The following SCN4A variants were observed in gnomAD, a reference collection of about 807,000 sequenced individuals.
SCN4A encodes sodium channel protein type 4 subunit alpha.
A neutral mutation model predicts 162.0 loss-of-function variants in SCN4A; 83 were observed. The observed-to-expected ratio is 0.51, with a 90% CI of 0.43 to 0.61. The LOEUF is 0.61. Among genes scored for constraint, SCN4A ranks in the 20% least tolerant of loss-of-function variants. The pLI is 0.00. For missense variants in SCN4A, 2,196 were observed against 2,462.5 expected (o/e 0.89, Z 2.29); for synonymous variants, 944 against 985.1 (o/e 0.96, Z 0.78).
chr17:63,965,498 C>T (rs1909409651), intron 8 of SCN4A, among the ~76,000 whole-genome samples: 1 of 150,274 alleles, frequency 6.7e-6, no homozygotes, highest in Admixed American at 6.6e-5. Flanking sequence ...TTCTGTCTTT[C>T]TTTTTTTTCA....
chr17:63,966,251 T>A lies in SCN4A; in HGVS notation c.1101-8A>T. The A allele has an allele frequency of 1.2e-6, 2 of 1,602,078 alleles. No individual in the cohort carries two copies. Among genetic ancestry groups the A allele is most frequent in the South Asian group, 2.3e-5 (2 of 88,636 alleles). The stretch of plus-strand genomic sequence containing the variant: ...TAACCCTCAGGGCAGTGCCTAGGAA[T>A]AGGACAGGGGGCTGGGTTTAGGGTG... On this transcript the variant is annotated splice_region_variant and splice_polypyrimidine_tract_variant and intron_variant, in intron 7 of 23. Coordinates refer to ENST00000435607, the MANE Select transcript of SCN4A (RefSeq NM_000334.4).
rs1598406890 is a variant in SCN4A at position 63,945,819 on chromosome 17, A to G, written c.3442-181T>C. ...GTTGGGGGTGGTAAGGGGGAGGGGG[A>G]GGGAGCTGCAGGCCTGGTGGTCAAG... On this transcript the variant is annotated intron_variant, in intron 18 of 23. Transcript: ENST00000435607. This position sits in a 1 kb window ranked among gnomAD's most constrained non-coding sequence, Gnocchi z 4.4. 6.8e-6 allele frequency among the ~76,000 whole-genome samples: 1 copy of G among 146,938 alleles called. No individual in the cohort carries two copies. The highest frequency in any genetic ancestry group is 2.5e-5 in the African/African-American group (1 of 39,530).
chr17:63,946,473 C>CCG (rs1491246498), intron 18 of SCN4A, among the ~76,000 whole-genome samples: 1 of 122,490 alleles, frequency 8.2e-6, no homozygotes, highest in Non-Finnish European at 1.6e-5. Context: ...CCCCCCCCCC[C>CCG]ACCCCGCCGC....
rs779492379 is a variant in SCN4A at position 63,949,559 on chromosome 17, G to C, written c.2854-31C>G. 38 of 1,568,160 alleles carry C rather than the reference G, an allele frequency of 2.4e-5. 1 individual carries two copies. In the South Asian group the frequency reaches 4.1e-4, roughly 17 times the overall value. ...GAGGCCACAGGGTCACATGACATCTGGGTCCCTGAGAGACCCCCTCATCCT... is the reference window on the plus strand; with the variant it reads ...GAGGCCACAGGGTCACATGACATCTCGGTCCCTGAGAGACCCCCTCATCCT... On this transcript the variant is annotated intron_variant, in intron 14 of 23. Coordinates refer to ENST00000435607, the MANE Select transcript of SCN4A (RefSeq NM_000334.4).
chr17:63,963,603 A>G (rs1192817913), intron 10 of SCN4A, 69 bp downstream of exon 10: 9 of 1,437,644 alleles, frequency 6.3e-6, no homozygotes, highest in Non-Finnish European at 8.2e-6. Context: ...TGGCATCCCT[A>G]TCCTCCTGAA....
chr17:63,940,570 C>T lies in SCN4A; in HGVS notation c.*201G>A, dbSNP rs1908485025. The T allele has an allele frequency of 3.6e-6, 2 of 560,104 alleles. No individual in the cohort carries two copies. Among genetic ancestry groups the T allele is most frequent in the East Asian group, 3.0e-5 (1 of 33,324 alleles). 34.7% of individuals were successfully genotyped at this position (560,104 alleles called of 1,614,324 possible). On this transcript the variant is annotated 3_prime_UTR_variant, in exon 24 of 24. Coordinates refer to ENST00000435607, the MANE Select transcript of SCN4A (RefSeq NM_000334.4). ...TCAGACCCAGCATGGAGCCCCTGAG[C>T]GCAATTCCCATTTCCCATGGTCTGG...
In SCN4A at chr17:63,951,169, C is replaced by T. The variant is rs904060662; in HGVS notation, c.2853+255G>A. ...TGAGAGGGGCCCAGGTGTTCTGGTC[C>T]GAGGGAATCAGGGTTTCTGGACAGA... On this transcript the variant is annotated intron_variant, in intron 14 of 23. Coordinates refer to ENST00000435607, the MANE Select transcript of SCN4A (RefSeq NM_000334.4). This position sits in a 1 kb window ranked among gnomAD's most constrained non-coding sequence, Gnocchi z 4.5. Among the ~76,000 whole-genome samples, 11 of 152,112 alleles carry T rather than the reference C, an allele frequency of 7.2e-5. No homozygotes were observed. The highest frequency in any genetic ancestry group is 2.2e-4 in the African/African-American group (9 of 41,418).
In SCN4A at chr17:63,968,320, C is replaced by A. The variant is rs755321637; in HGVS notation, c.739G>T (p.Val247Leu). 1.2e-6 allele frequency: 2 copies of A among 1,608,316 alleles called. No individual in the cohort carries two copies. The highest frequency in any genetic ancestry group is 1.7e-6 in the Non-Finnish European group (2 of 1,175,510). ...ATCATCACATCCGACAGCTTTTTCA[C>A]CGACTGGATCAGGGCCCCCACGATC... The part of the protein sequence containing the change: ...KTIVGALIQS[V>L]KKLSDVMILT... Residue 247 changes from valine (V) to leucine (L), a missense_variant, in exon 6 of 24, where the codon GTG becomes TTG. By Grantham distance (32) the Val-to-Leu change is conservative. Transcript: ENST00000435607.
At position 63,948,058 on chromosome 17, in the gene SCN4A, G is replaced by A. The variant is rs536963836; in HGVS notation, c.3150C>T (p.Phe1050=). Residue 1050 remains phenylalanine, a synonymous_variant, in exon 17 of 24, where the codon TTC becomes TTT. Transcript: ENST00000435607. The part of the protein sequence containing the change: ...MILLSSGALA[F]EDIYIEQRRV... ...GCCGCTGCTCAATGTAGATGTCCTC[G>A]AAGGCCTGGGGGCACCAGCACCACC... The A allele has an allele frequency of 8.1e-6, 13 of 1,598,708 alleles. No homozygotes were observed. The highest frequency in any genetic ancestry group is 6.7e-5 in the Admixed American group (4 of 59,470).
Position 63,945,377 on chromosome 17 carries a change from G to A in SCN4A, c.3703C>T (p.Leu1235Phe), listed in dbSNP as rs1218047325. 2 of 1,611,628 alleles carry A rather than the reference G, an allele frequency of 1.2e-6. No homozygotes were observed. Among genetic ancestry groups the A allele is most frequent in the Non-Finnish European group, 1.7e-6 (2 of 1,177,870 alleles). The change falls in exon 19 of 24, where the codon CTC becomes TTC. Residue 1235 changes from leucine to phenylalanine, a missense_variant. Transcript: ENST00000435607. The surrounding 1 kb of genome is among the most constrained non-coding windows in gnomAD (Gnocchi z 4.4). ...ACACTCACCACCTGCAGGAGGGAGAGGTAGCCCAGACCCACGTTGTCGTAG... is the reference window on the plus strand; with the variant it reads ...ACACTCACCACCTGCAGGAGGGAGAAGTAGCCCAGACCCACGTTGTCGTAG... ...VNYDNVGLGY[L>F]SLLQVATFKG...
In SCN4A at chr17:63,940,332, G is replaced by A. The variant is rs1021416221; in HGVS notation, c.*439C>T. The A allele has an allele frequency of 1.2e-5, 2 of 167,234 alleles. No homozygotes were observed. The highest frequency in any genetic ancestry group is 2.5e-5 in the Non-Finnish European group (2 of 78,954). The allele number at this position is 167,234 out of a possible 1,614,324, so 10.4% of individuals were successfully genotyped here. A position where few individuals can be genotyped will look rare whatever the true frequency, so the allele number is the denominator to read the frequency against. ...GTTAAGACATCTTTGTCTGGGCTGG[G>A]GCTGAGGGGTCTGAGCCACTTCCTG... On this transcript the variant is annotated 3_prime_UTR_variant, in exon 24 of 24. Transcript: ENST00000435607.
intron 13 of SCN4A, 67 bp downstream of exon 13, chr17:63,957,095 C>T: frequency 9.0e-7 from 1 of 1,114,084 alleles, no homozygotes; most frequent in East Asian, 2.4e-5. Flanking sequence ...AGAAAACAGT[C>T]AAATATCAGG....
At chr17:63,964,877 C>T (rs1909389954) in intron 8 of SCN4A, among the ~76,000 whole-genome samples, 200 bp from the exon 9 acceptor site, 1 of 152,182 alleles carries the variant, frequency 6.6e-6, no homozygotes, top group Admixed American at 6.5e-5. Context: ...TCAAACGTTT[C>T]TGGTCTCCTG....
At chr17:63,943,684 C>A in intron 22 of SCN4A, 62 bp downstream of exon 22, 1 of 1,076,612 alleles carries the variant, frequency 9.3e-7, no homozygotes, top group Non-Finnish European at 1.4e-6. Context: ...CTTTTACCCC[C>A]ATCAGTCCCC....
At position 63,968,171 on chromosome 17, in the gene SCN4A, G is replaced by A. The variant is rs1290597719; in HGVS notation, c.888C>T (p.Ser296=). 1 of 1,613,974 alleles carries A rather than the reference G, an allele frequency of 6.2e-7. No homozygotes were observed. The highest frequency in any genetic ancestry group is 8.5e-7 in the Non-Finnish European group (1 of 1,179,890). ...TGTCATTGCCGTACCACGTGTCATTGCTGTACCACGTGGTGTTGGTGTCGT... is the reference window on the plus strand; with the variant it reads ...TGTCATTGCCGTACCACGTGTCATTACTGTACCACGTGGTGTTGGTGTCGT... ...PFNDTNTTWY[S]NDTWYGNDTW... Residue 296 remains serine, a synonymous_variant, in exon 6 of 24, where the codon AGC becomes AGT. Coordinates refer to ENST00000435607, the MANE Select transcript of SCN4A (RefSeq NM_000334.4).
At chr17:63,954,489 A>G (rs1597975613) in intron 13 of SCN4A, among the ~76,000 whole-genome samples, 2 of 152,052 alleles carry the variant, frequency 1.3e-5, no homozygotes, top group Non-Finnish European at 2.9e-5. Flanking sequence ...TGCCCCAGGC[A>G]TGGGGGAAGG....
rs760146369 is a variant in SCN4A at position 63,972,487 on chromosome 17, G to A, written c.274-17C>T. ...GATGAAGGTCTAAGGTGGGAGAGAG[G>A]CTGTGAGACCCAGGGACAGACAGAC... On this transcript the variant is annotated splice_polypyrimidine_tract_variant and intron_variant, in intron 1 of 23. Transcript: ENST00000435607. This position sits in a 1 kb window ranked among gnomAD's most constrained non-coding sequence, Gnocchi z 4.3. 6.5e-5 allele frequency: 105 copies of A among 1,611,834 alleles called. 1 individual carries two copies. The highest frequency in any genetic ancestry group is 8.6e-5 in the Non-Finnish European group (101 of 1,178,758).
At position 63,944,434 on chromosome 17, in the gene SCN4A, A is replaced by T. The variant is rs552526973; in HGVS notation, c.3912+239T>A. ...CTCCCAAAGTGCTGGGATTACAAGC[A>T]TGAGCCACCGTGCCTGGCCCAGCAG... On this transcript the variant is annotated intron_variant, in intron 21 of 23. Coordinates refer to ENST00000435607, the MANE Select transcript of SCN4A (RefSeq NM_000334.4). The surrounding 1 kb of genome is among the most constrained non-coding windows in gnomAD (Gnocchi z 4.3). 3.9e-5 allele frequency among the ~76,000 whole-genome samples: 6 copies of T among 152,260 alleles called. 1 individual carries two copies. The highest frequency in any genetic ancestry group is 1.4e-4 in the African/African-American group (6 of 41,558).
chr17:63,956,432 G>C (rs1005047240), intron 13 of SCN4A, among the ~76,000 whole-genome samples: 2 of 152,106 alleles, frequency 1.3e-5, no homozygotes, highest in African/African-American at 4.8e-5. Flanking sequence ...ATTTTTTGTA[G>C]AGATAAGAGT....
Sources: gnomAD v4.1 joint callset for allele counts (sites outside exome capture counted in the v4.1 genomes callset) on GRCh38, gnomAD v4.1.1 for gene constraint, Gnocchi (gnomAD v3.1) non-coding constraint, MANE v1.5 for transcripts, NCBI Gene and HGNC (gene_info 2026-07-23, HGNC 2026-07-21) for gene names.